Variants in EPHB1 observed in about 807,000 individuals in gnomAD.
EPHB1 encodes the protein EPH receptor B1.
A neutral mutation model predicts 94.4 loss-of-function variants in EPHB1; 30 were observed. The ratio of observed to expected loss-of-function variants is 0.32; its 90% confidence interval spans 0.24 to 0.43. The LOEUF (loss-of-function observed/expected upper bound fraction) is 0.43. Among genes scored for constraint, EPHB1 ranks in the 20% least tolerant of loss-of-function variants. The pLI is 1.00. For missense variants in EPHB1, 1,055 were observed against 1,308.3 expected, an observed-to-expected ratio of 0.81 and a Z score of 2.99; for synonymous variants, 522 against 489.1, an observed-to-expected ratio of 1.07 and a Z score of -0.89.
At position 135,192,752 on chromosome 3, in the gene EPHB1, G is replaced by T; in HGVS notation, c.2059G>T (p.Val687Phe). 1 of 1,614,168 alleles carries T rather than the reference G, an allele frequency of 6.2e-7. No individual in the cohort carries two copies. Among genetic ancestry groups the T allele is most frequent in the Non-Finnish European group, 8.5e-7 (1 of 1,180,036 alleles). ...HPNIIRLEGV[V>F]TKSRPVMIIT... ...TAACATCATTCGCCTGGAGGGTGTG[G>T]TCACCAAGAGTCGGCCTGTCATGAT... Residue 687 changes from valine (V) to phenylalanine (F), a missense_variant, in exon 11 of 16, where the codon GTC becomes TTC. By Grantham distance (50) the Val-to-Phe change is conservative (BLOSUM62 -1). Coordinates refer to ENST00000398015, the MANE Select transcript of EPHB1 (RefSeq NM_004441.5).
intron 3 of EPHB1, among the ~76,000 whole-genome samples, chr3:134,963,350 G>T (rs1354875845): frequency 6.6e-6 from 1 of 152,158 alleles, no homozygotes; most frequent in African/African-American, 2.4e-5. Flanking sequence ...TATTTGAAAA[G>T]AATGCTGATG....
At chr3:135,041,743 T>G (rs1936850578) in intron 3 of EPHB1, among the ~76,000 whole-genome samples, 1 of 152,142 alleles carries the variant, frequency 6.6e-6, no homozygotes, top group Non-Finnish European at 1.5e-5. Flanking sequence ...ACTGTGTAAT[T>G]TATAATAAAC....
intron 1 of EPHB1, among the ~76,000 whole-genome samples, chr3:134,915,909 C>T (rs996460495): frequency 2.6e-5 from 4 of 152,112 alleles, no homozygotes; most frequent in Non-Finnish European, 2.9e-5. Flanking sequence ...GGAGGGGACC[C>T]GAATGGGTTG....
At chr3:135,177,137 T>C (rs1942002647) in intron 9 of EPHB1, among the ~76,000 whole-genome samples, 1 of 152,142 alleles carries the variant, frequency 6.6e-6, no homozygotes. Flanking sequence ...GGGAGGGAGA[T>C]GTTACCGCCC....
chr3:134,998,813 G>C (rs967958875), intron 3 of EPHB1, among the ~76,000 whole-genome samples: 4 of 152,082 alleles, frequency 2.6e-5, no homozygotes, highest in Non-Finnish European at 5.9e-5. Context: ...CATAATATTT[G>C]ATAGATTTTT....
intron 1 of EPHB1, among the ~76,000 whole-genome samples, chr3:134,924,975 A>G (rs1359867988): frequency 1.3e-5 from 2 of 152,236 alleles, no homozygotes; most frequent in Non-Finnish European, 2.9e-5. Flanking sequence ...TATGATGAAT[A>G]TGTTTATTAT....
rs1553858669 is a variant in EPHB1, at chr3:134,860,150, G to GACACACACACACACACAGACACAC, written c.58+64478_58+64479insGACACACACACACACACACACACA. On this transcript the variant is annotated intron_variant, in intron 1 of 15. Transcript: ENST00000398015. ...CAGCTGTAACAAAAGAGAAGGAAGG[G>GACACACACACACACACAGACACAC]ACACACACACACACACACACAGACA... 3.2e-3 allele frequency among the ~76,000 whole-genome samples: 462 copies of GACACACACACACACACAGACACAC among 142,862 alleles called. 3 individuals carry two copies. Among genetic ancestry groups the GACACACACACACACACAGACACAC allele is most frequent in the Middle Eastern group, 7.3e-3 (2 of 274 alleles). The allele number at this position is 142,862 out of a possible 152,430, so 93.7% of individuals were successfully genotyped here.
intron 12 of EPHB1, among the ~76,000 whole-genome samples, chr3:135,221,534 C>T (rs1303975867): frequency 3.9e-5 from 6 of 152,086 alleles, no homozygotes; most frequent in Non-Finnish European, 8.8e-5. Context: ...TAATAAGTCC[C>T]AGGAGCTCTA....
chr3:135,167,142 C>A, intron 9 of EPHB1, 136 bp downstream of exon 9: 1 of 960,172 alleles, frequency 1.0e-6, no homozygotes, highest in Non-Finnish European at 1.6e-6. Context: ...GTGCCTTGGC[C>A]ACCTTTCTGC....
At chr3:135,013,516 T>C (rs1272355027) in intron 3 of EPHB1, among the ~76,000 whole-genome samples, 1 of 152,060 alleles carries the variant, frequency 6.6e-6, no homozygotes, top group Non-Finnish European at 1.5e-5. Flanking sequence ...AGACAGACAA[T>C]CTTAGGGTGA....
intron 1 of EPHB1, among the ~76,000 whole-genome samples, chr3:134,884,306 T>G (rs2037819113): frequency 6.6e-6 from 1 of 152,232 alleles, no homozygotes. Flanking sequence ...TGTTGGGTAA[T>G]GTACTGCTGG....
intron 2 of EPHB1, among the ~76,000 whole-genome samples, chr3:134,937,912 CTT>C (rs113610495): frequency 4.1e-5 from 5 of 122,610 alleles, no homozygotes; most frequent in African/African-American, 1.6e-4. Flanking sequence ...TGGTTCCCTC[CTT>C]TTTTTTTTTT....
At chr3:135,013,117 A>C (rs1234741197) in intron 3 of EPHB1, among the ~76,000 whole-genome samples, 1 of 152,170 alleles carries the variant, frequency 6.6e-6, no homozygotes, top group East Asian at 1.9e-4. Flanking sequence ...GAATGGGCCA[A>C]ACGGGATGGG....
chr3:135,217,574 A>G (rs1017923617), intron 12 of EPHB1, among the ~76,000 whole-genome samples: 1 of 152,134 alleles, frequency 6.6e-6, no homozygotes, highest in Non-Finnish European at 1.5e-5. Context: ...CGATGTACAC[A>G]CAGAACTATA....
chr3:134,823,974 C>T (rs2036428101), intron 1 of EPHB1: 1 of 152,208 alleles, frequency 6.6e-6, no homozygotes, highest in South Asian at 2.1e-4. Context: ...TGCCCAGCAT[C>T]TGCTGCTGCA....
intron 3 of EPHB1, among the ~76,000 whole-genome samples, chr3:135,042,379 A>C (rs1317641177): frequency 6.6e-6 from 1 of 152,224 alleles, no homozygotes; most frequent in Non-Finnish European, 1.5e-5. Flanking sequence ...GCTTTTCAGG[A>C]GACACATGCA....
chr3:135,129,937 G>A (rs111457003), intron 4 of EPHB1, among the ~76,000 whole-genome samples: 2 of 151,868 alleles, frequency 1.3e-5, no homozygotes. Flanking sequence ...AGGGGTGAAG[G>A]TCAACTGCCA....
intron 3 of EPHB1, among the ~76,000 whole-genome samples, chr3:135,105,886 A>G (rs1325537840): frequency 6.6e-6 from 1 of 152,244 alleles, no homozygotes; most frequent in Non-Finnish European, 1.5e-5. Context: ...GTTTTAAAGA[A>G]TCACTTATGA....
rs529535259 is a variant in EPHB1, at chr3:135,036,033, C to T, written c.806-70415C>T. Among the ~76,000 whole-genome samples the T allele has an allele frequency of 6.6e-5, 10 of 152,340 alleles. No homozygotes were observed. The South Asian group carries it at 1.5e-3, about 22-fold the overall frequency. ...CCATTCATTTTTCCTTCCATCCACT[C>T]GTCTCTCCATCCATTCACTATTTCC... On this transcript the variant is annotated intron_variant, in intron 3 of 15. Coordinates refer to ENST00000398015, the MANE Select transcript of EPHB1 (RefSeq NM_004441.5).
Sources: gnomAD v4.1 joint callset for allele counts (sites outside exome capture counted in the v4.1 genomes callset) on GRCh38, gnomAD v4.1.1 for gene constraint, MANE v1.5 for transcripts, NCBI Gene and HGNC (gene_info 2026-07-23, HGNC 2026-07-21) for gene names.